Variants in MLANA observed in about 807,000 individuals in gnomAD.
The protein encoded by MLANA is melanoma antigen recognized by T-cells 1.
A neutral mutation model predicts 15.7 loss-of-function variants in MLANA; 21 were observed. That is an observed-to-expected ratio of 1.33 (90% CI 0.95 to 1.92). MLANA has a LOEUF of 1.92. MLANA is among the 40% of genes most tolerant of loss of function. The pLI is 0.00. For missense variants in MLANA, 164 were observed against 143.8 expected (o/e 1.14, Z -0.72); for synonymous variants, 56 against 51.5 (o/e 1.09, Z -0.37).
intron 2 of MLANA, 136 bp from the exon 3 acceptor site, chr9:5,897,421 G>C: frequency 1.3e-6 from 1 of 760,300 alleles, no homozygotes. Context: ...TGTGGGAGGT[G>C]GGAAACTACT....
rs1410961847 is a variant in MLANA at position 5,897,719 on chromosome 9, G to A, written c.174+66G>A. 8.2e-6 allele frequency: 11 copies of A among 1,340,242 alleles called. 1 individual carries two copies. Among genetic ancestry groups the A allele is most frequent in the Non-Finnish European group, 5.4e-6 (5 of 930,374 alleles). 83.0% of individuals were successfully genotyped at this position (1,340,242 alleles called of 1,614,324 possible). On this transcript the variant is annotated intron_variant, in intron 3 of 4. Coordinates refer to ENST00000381477, the MANE Select transcript of MLANA (RefSeq NM_005511.2). Reference sequence around the variant, plus strand: ...GGCCCTCTTTCCAGTTCTTTCCTCTGAATCTCTGGAGAGTCAGATAATTGC... The same window carrying A: ...GGCCCTCTTTCCAGTTCTTTCCTCTAAATCTCTGGAGAGTCAGATAATTGC...
chr9:5,892,469 T>C lies in MLANA; in HGVS notation c.-6T>C, dbSNP rs746393963. ...TGTTAGGTGTCCTGTGCCCTGACCC[T>C]ACAAGATGCCAAGAGAAGATGCTCA... On this transcript the variant is annotated 5_prime_UTR_variant, in exon 2 of 5. Coordinates refer to ENST00000381477, the MANE Select transcript of MLANA (RefSeq NM_005511.2). 2 of 1,612,814 alleles carry C rather than the reference T, an allele frequency of 1.2e-6. No individual in the cohort carries two copies. Among genetic ancestry groups the C allele is most frequent in the East Asian group, 4.5e-5 (2 of 44,862 alleles).
intron 3 of MLANA, among the ~76,000 whole-genome samples, chr9:5,897,922 C>T (rs1271099873): frequency 1.3e-5 from 2 of 152,142 alleles, no homozygotes; most frequent in South Asian, 4.1e-4. Flanking sequence ...AAATGAAATT[C>T]ATTTGGTTTA....
In MLANA at chr9:5,896,722, CCT is replaced by C; in HGVS notation, c.78-834_78-833del. 2.6e-5 allele frequency among the ~76,000 whole-genome samples: 4 copies of C among 152,210 alleles called. No individual in the cohort carries two copies. In the Middle Eastern group the frequency reaches 0.014, roughly 518 times the overall value. On this transcript the variant is annotated intron_variant, in intron 2 of 4. Coordinates refer to ENST00000381477, the MANE Select transcript of MLANA (RefSeq NM_005511.2). ...TTGCCCGGAGTGAACAGCTCCAGGC[CCT>C]GTTTCCAGGGTCTTTGTGGTAACTT...
intron 2 of MLANA, 125 bp from the exon 3 acceptor site, chr9:5,897,414 GGGAGGTGGGAAACTACTT>G: frequency 1.4e-6 from 1 of 709,468 alleles, no homozygotes. Context: ...TGCCCAGTGT[GGGAGGTGGGAAACTACTT>G]GGACACTGGG....
Position 5,909,856 on chromosome 9 carries a change from A to G in MLANA, c.*1148A>G, listed in dbSNP as rs961267203. 3 of 152,168 alleles carry G rather than the reference A, an allele frequency of 2.0e-5. No homozygotes were observed. The highest frequency in any genetic ancestry group is 4.4e-5 in the Non-Finnish European group (3 of 68,024). The allele number at this position is 152,168 out of a possible 1,614,324, so 9.4% of individuals were successfully genotyped here. A position where few individuals can be genotyped will look rare whatever the true frequency, so the allele number is the denominator to read the frequency against. ...TCATTATTTGCATAGCAACATTGCAATTTGTTTTCCTTTGGCTACATCAAC... is the reference window on the plus strand; with the variant it reads ...TCATTATTTGCATAGCAACATTGCAGTTTGTTTTCCTTTGGCTACATCAAC... On this transcript the variant is annotated 3_prime_UTR_variant, in exon 5 of 5. Transcript: ENST00000381477.
At chr9:5,892,673 C>A in intron 2 of MLANA, 122 bp downstream of exon 2, 2 of 725,740 alleles carry the variant, frequency 2.8e-6, no homozygotes, top group Non-Finnish European at 4.3e-6. Context: ...CAGACAGTAA[C>A]ATCCCTGGCA....
At chr9:5,892,669 G>T in intron 2 of MLANA, 118 bp downstream of exon 2, 1 of 753,502 alleles carries the variant, frequency 1.3e-6, no homozygotes, top group East Asian at 2.9e-5. Flanking sequence ...TCCCCAGACA[G>T]TAACATCCCT....
At chr9:5,902,158 A>G (rs974536744) in intron 3 of MLANA, among the ~76,000 whole-genome samples, 1 of 152,172 alleles carries the variant, frequency 6.6e-6, no homozygotes, top group East Asian at 1.9e-4. Context: ...TGTTTTGGAA[A>G]GTTATTATTG....
intron 3 of MLANA, among the ~76,000 whole-genome samples, chr9:5,903,017 TATC>T (rs1436442333): frequency 6.6e-6 from 1 of 152,230 alleles, no homozygotes; most frequent in Admixed American, 6.5e-5. Context: ...CAAATTCTGA[TATC>T]ATATTTTAAT....
At chr9:5,896,712 A>T (rs1441791831) in intron 2 of MLANA, among the ~76,000 whole-genome samples, 2 of 152,218 alleles carry the variant, frequency 1.3e-5, no homozygotes, top group African/African-American at 4.8e-5. Flanking sequence ...CGGAGTGAAC[A>T]GCTCCAGGCC....
chr9:5,902,417 G>A (rs1318222253), intron 3 of MLANA, among the ~76,000 whole-genome samples: 3 of 151,632 alleles, frequency 2.0e-5, no homozygotes, highest in Non-Finnish European at 2.9e-5. Flanking sequence ...CCCAGAATCA[G>A]CATTTGGTTT....
chr9:5,893,042 T>C (rs1331428574), intron 2 of MLANA, among the ~76,000 whole-genome samples: 1 of 152,196 alleles, frequency 6.6e-6, no homozygotes, highest in Non-Finnish European at 1.5e-5. Flanking sequence ...AACTTTATCC[T>C]AAGGAAAGAC....
chr9:5,903,342 C>T (rs1229268936), intron 3 of MLANA, among the ~76,000 whole-genome samples: 3 of 152,062 alleles, frequency 2.0e-5, no homozygotes, highest in Non-Finnish European at 4.4e-5. Context: ...TCTAGTTAAT[C>T]GAAGATTTTG....
intron 3 of MLANA, among the ~76,000 whole-genome samples, chr9:5,902,640 G>C (rs1047775259): frequency 2.7e-5 from 4 of 150,898 alleles, no homozygotes; most frequent in African/African-American, 9.7e-5. Flanking sequence ...TAGGATTATA[G>C]CATGTGCCTC....
chr9:5,895,209 C>A (rs1451959475), intron 2 of MLANA, among the ~76,000 whole-genome samples: 1 of 152,118 alleles, frequency 6.6e-6, no homozygotes, highest in Non-Finnish European at 1.5e-5. Flanking sequence ...TGTAGGAACC[C>A]CTGAATACAT....
chr9:5,899,725 C>T (rs1313525652), intron 3 of MLANA, among the ~76,000 whole-genome samples: 1 of 152,178 alleles, frequency 6.6e-6, no homozygotes, highest in African/African-American at 2.4e-5. Context: ...CTTTTTGCCT[C>T]TTCGACCCCT....
At chr9:5,895,277 G>A (rs1831937633) in intron 2 of MLANA, among the ~76,000 whole-genome samples, 1 of 152,084 alleles carries the variant, frequency 6.6e-6, no homozygotes, top group African/African-American at 2.4e-5. Flanking sequence ...ATAAGTAACT[G>A]CACATGGCCA....
chr9:5,894,385 G>A lies in MLANA; in HGVS notation c.77+1834G>A, dbSNP rs905806340. The stretch of plus-strand genomic sequence containing the variant: ...AGACTGAGGAGGCAAAGAAGGCATC[G>A]GGGCAACCAAGGCTGTACCCACAGA... On this transcript the variant is annotated intron_variant, in intron 2 of 4. Transcript: ENST00000381477. This position sits in a 1 kb window ranked among gnomAD's most constrained non-coding sequence, Gnocchi z 4.0. 1.8e-4 allele frequency among the ~76,000 whole-genome samples: 27 copies of A among 152,232 alleles called. No individual in the cohort carries two copies. Among genetic ancestry groups the A allele is most frequent in the Non-Finnish European group, 3.7e-4 (25 of 68,022 alleles).
Sources: allele counts gnomAD v4.1 joint callset (sites outside exome capture counted in the v4.1 genomes callset), GRCh38; gene constraint gnomAD v4.1.1; non-coding constraint Gnocchi (gnomAD v3.1); transcripts MANE v1.5; gene names NCBI Gene and HGNC (gene_info 2026-07-23, HGNC 2026-07-21).